Variants in OTOG observed in about 807,000 individuals in gnomAD.
The protein encoded by OTOG is otogelin.
Under a neutral mutation model 313.8 loss-of-function variants are expected in OTOG, and 296 were observed. That is an observed-to-expected ratio of 0.94 (90% confidence interval 0.86 to 1.04). The LOEUF (loss-of-function observed/expected upper bound fraction) is 1.04. OTOG is among the 50% of genes least tolerant of loss of function. The pLI is 0.00. For missense variants in OTOG, 3,948 were observed against 3,840.1 expected, an observed-to-expected ratio of 1.03 and a Z score of -0.74; for synonymous variants, 1,533 against 1,554.9, an observed-to-expected ratio of 0.99 and a Z score of 0.33.
At position 17,557,232 on chromosome 11, in the gene OTOG, C is replaced by T. The variant is rs1241319410; in HGVS notation, c.774C>T (p.Tyr258=). ...TLAWDGASAV[Y]IKMSPELLGW... is the part of the protein sequence containing the mutation. ...CCTGGGATGGTGCCTCGGCTGTCTA[C>T]ATCAAGATGAGTCCAGAGCTTCTGG... is the stretch of plus-strand genomic sequence containing the variant. The change falls in exon 8 of 56, where the codon TAC becomes TAT. Residue 258 remains tyrosine, a synonymous_variant. Coordinates refer to ENST00000399397, the MANE Select transcript of OTOG (RefSeq NM_001292063.2). 5 of 1,550,660 alleles carry T rather than the reference C, an allele frequency of 3.2e-6. No homozygotes were observed. The highest frequency in any genetic ancestry group is 4.4e-6 in the Non-Finnish European group (5 of 1,147,014).
At chr11:17,593,899 C>T (rs1028518431) in intron 27 of OTOG, 143 bp downstream of exon 27, 1 of 1,396,364 alleles carries the variant, frequency 7.2e-7, no homozygotes, top group African/African-American at 1.4e-5. Flanking sequence ...GCCCCTTCTC[C>T]TCTGACATTG....
In OTOG at chr11:17,602,212, C is replaced by G; in HGVS notation, c.3712C>G (p.Leu1238Val). 1.3e-6 allele frequency: 2 copies of G among 1,550,188 alleles called. No individual in the cohort carries two copies. Among genetic ancestry groups the G allele is most frequent in the Non-Finnish European group, 1.7e-6 (2 of 1,146,894 alleles). The change falls in exon 32 of 56, where the codon CTA becomes GTA. Residue 1238 changes from leucine to valine, a missense_variant and splice_region_variant. Transcript: ENST00000399397. ...CTGATGGGGCCTCTTCTCTCCAGTGCTAGGTAAGGGCCCCTATCAGCTATC... is the reference window on the plus strand; with the variant it reads ...CTGATGGGGCCTCTTCTCTCCAGTGGTAGGTAAGGGCCCCTATCAGCTATC... ...PYDCDFFNKVLGKGPYQLSSL... is the reference protein window; with the variant it reads ...PYDCDFFNKVVGKGPYQLSSL...
chr11:17,642,345 G>C (rs371749315), intron 53 of OTOG, 99 bp downstream of exon 53: 2 of 1,408,236 alleles, frequency 1.4e-6, no homozygotes, highest in East Asian at 2.6e-5. Context: ...CAGGAAGAAG[G>C]GCTCCCTGGA....
At chr11:17,555,633 T>C (rs1479630250) in intron 6 of OTOG, 146 bp from the exon 7 acceptor site, 7 of 635,644 alleles carry the variant, frequency 1.1e-5, no homozygotes. Flanking sequence ...CTCTGTGATG[T>C]ATGGGGACTG....
At position 17,548,208 on chromosome 11, in the gene OTOG, G is replaced by A. The variant is rs1420334614; in HGVS notation, c.212G>A (p.Gly71Asp). The A allele has an allele frequency of 1.3e-6, 2 of 1,547,158 alleles. No homozygotes were observed. The highest frequency in any genetic ancestry group is 2.0e-5 in the Admixed American group (1 of 50,712). ...GGGGACAAGGCTACAGTCGTGGGAG[G>A]CCAGGTAAGGGAGGTCTTGGGAGGG... ...AMGDKATVVG[G>D]QQAEAPDSVA... is the part of the protein sequence containing the mutation. Residue 71 changes from glycine (G) to aspartate (D), a missense_variant, in exon 3 of 56, where the codon GGC (glycine) becomes GAC (aspartate). Coordinates refer to ENST00000399397, the MANE Select transcript of OTOG (RefSeq NM_001292063.2).
rs1191747829 is a variant in OTOG, at chr11:17,613,195, T to TTTTCTTTCTTTCTTTCTTTCTTTC, written c.6439-367_6439-344dup. ...TTTTCTTTCTTTCTTTCTTTCTTTC[T>TTTTCTTTCTTTCTTTCTTTCTTTC]TTTCTTTCTTTCTTTCTTTCTTTCT... On this transcript the variant is annotated intron_variant, in intron 38 of 55. Coordinates refer to ENST00000399397, the MANE Select transcript of OTOG (RefSeq NM_001292063.2). Among the ~76,000 whole-genome samples, 198 of 65,312 alleles carry TTTTCTTTCTTTCTTTCTTTCTTTC rather than the reference T, an allele frequency of 3.0e-3. 4 individuals carry two copies. The highest frequency in any genetic ancestry group is 4.4e-3 in the East Asian group (9 of 2,044). 42.8% of individuals were successfully genotyped at this position (65,312 alleles called of 152,430 possible). A position where few individuals can be genotyped will look rare whatever the true frequency, so the allele number is the denominator to read the frequency against.
chr11:17,563,606 C>T (rs115546969), intron 15 of OTOG, among the ~76,000 whole-genome samples: 3,806 of 152,286 alleles, frequency 0.025, 159 homozygotes, highest in African/African-American at 0.087. Flanking sequence ...ACAAGACACA[C>T]AGACACAGCC....
chr11:17,637,848 AC>A (rs1247750320), intron 47 of OTOG, among the ~76,000 whole-genome samples: 1 of 152,196 alleles, frequency 6.6e-6, no homozygotes, highest in African/African-American at 2.4e-5. Context: ...AGTAACTCTT[AC>A]AGTTTTCAGA....
chr11:17,625,264 G>A (rs1277530594), intron 39 of OTOG, among the ~76,000 whole-genome samples: 1 of 152,156 alleles, frequency 6.6e-6, no homozygotes, highest in Non-Finnish European at 1.5e-5. Context: ...TCCAGGTTTT[G>A]TCCATTCAGT....
In OTOG at chr11:17,559,624, G is replaced by A; in HGVS notation, c.1304G>A (p.Ser435Asn). The change falls in exon 12 of 56, where the codon AGT (serine) becomes AAT (asparagine). Residue 435 changes from serine (S) to asparagine (N), a missense_variant. Physicochemically the swap from Ser to Asn is conservative, Grantham distance 46. Transcript: ENST00000399397. ...CATCCCCGGGCATCCTGTGTGGACA[G>A]TGAGATCGCCTGTGTGGACGGCTGC... is the stretch of plus-strand genomic sequence containing the variant. ...SCHPRASCVD[S>N]EIACVDGCYC... 6.4e-7 allele frequency: 1 copy of A among 1,550,916 alleles called. No individual in the cohort carries two copies. The highest frequency in any genetic ancestry group is 8.7e-7 in the Non-Finnish European group (1 of 1,147,068).
At position 17,553,170 on chromosome 11, in the gene OTOG, A is replaced by C; in HGVS notation, c.344A>C (p.Asp115Ala). Residue 115 changes from aspartate (D) to alanine (A), a missense_variant, in exon 5 of 56, where the codon GAC becomes GCC. Asp to Ala is a moderately radical substitution (Grantham distance 126, BLOSUM62 -2). Coordinates refer to ENST00000399397, the MANE Select transcript of OTOG (RefSeq NM_001292063.2). ...GGECVHPAFC[D>A]CRRFNATGPR... ...GAGTGTGTGCACCCAGCCTTCTGTG[A>C]CTGCAGACGCTTCAATGCCACTGGA... 1 of 1,550,440 alleles carries C rather than the reference A, an allele frequency of 6.4e-7. No homozygotes were observed. The highest frequency in any genetic ancestry group is 8.7e-7 in the Non-Finnish European group (1 of 1,146,942).
rs1853013564 is a variant in OTOG at position 17,593,725 on chromosome 11, C to G, written c.3257C>G (p.Thr1086Arg). Reference protein sequence around the residue: ...HITLLWDQRTTVHVQAGPQWQ... With the variant: ...HITLLWDQRTRVHVQAGPQWQ... ...ACCCTCTTGTGGGACCAGAGAACCACAGTGCACGTCCAGGCTGGGCCTCAG... is the reference window on the plus strand; with the variant it reads ...ACCCTCTTGTGGGACCAGAGAACCAGAGTGCACGTCCAGGCTGGGCCTCAG... Residue 1086 changes from threonine (T) to arginine (R), a missense_variant, in exon 27 of 56, where the codon ACA becomes AGA. Coordinates refer to ENST00000399397, the MANE Select transcript of OTOG (RefSeq NM_001292063.2). 1 of 1,548,806 alleles carries G rather than the reference C, an allele frequency of 6.5e-7. No homozygotes were observed. Among genetic ancestry groups the G allele is most frequent in the East Asian group, 2.4e-5 (1 of 40,922 alleles).
In OTOG at chr11:17,640,902, T is replaced by C; in HGVS notation, c.8012-11T>C. On this transcript the variant is annotated splice_polypyrimidine_tract_variant and intron_variant, in intron 50 of 55. Transcript: ENST00000399397. ...TCTGGATGACTGTTGCCGCCCTGCA[T>C]GCCCATCCAGTGAAGGCCCCGGTGT... 2 of 1,548,826 alleles carry C rather than the reference T, an allele frequency of 1.3e-6. No individual in the cohort carries two copies. Among genetic ancestry groups the C allele is most frequent in the Non-Finnish European group, 8.7e-7 (1 of 1,146,850 alleles).
rs1470204427 is a variant in OTOG, at chr11:17,610,085, T to C, written c.4785T>C (p.Phe1595=). Residue 1595 remains phenylalanine (F), a synonymous_variant, in exon 36 of 56, where the codon TTT becomes TTC. Coordinates refer to ENST00000399397, the MANE Select transcript of OTOG (RefSeq NM_001292063.2). ...AGACAACAAGGGTGACTGTGATCTT[T>C]GCAGGAAGCCCTAACATCACAGTCT... is the stretch of plus-strand genomic sequence containing the variant. The part of the protein sequence containing the change: ...AMETTRVTVI[F]AGSPNITVSS... 1 of 1,550,396 alleles carries C rather than the reference T, an allele frequency of 6.4e-7. No homozygotes were observed. The highest frequency in any genetic ancestry group is 2.4e-5 in the East Asian group (1 of 40,912).
Position 17,593,610 on chromosome 11 carries a change from A to G in OTOG, c.3142A>G (p.Ser1048Gly), listed in dbSNP as rs532538715. 3.2e-6 allele frequency: 5 copies of G among 1,548,750 alleles called. No individual in the cohort carries two copies. Among genetic ancestry groups the G allele is most frequent in the Non-Finnish European group, 4.4e-6 (5 of 1,146,970 alleles). The part of the protein sequence containing the change: ...IVFDDDSGNP[S>G]PESFLDDKQE... Reference sequence around the variant, plus strand: ...GGACTGACCATCTCTGTCCCTCTAGAGTCCAGAGAGCTTCCTGGATGACAA... The same window carrying G: ...GGACTGACCATCTCTGTCCCTCTAGGGTCCAGAGAGCTTCCTGGATGACAA... Residue 1048 changes from serine (S) to glycine (G), a missense_variant and splice_region_variant, in exon 27 of 56, where the codon AGT becomes GGT. By Grantham distance (56) the Ser-to-Gly change is moderately conservative. Transcript: ENST00000399397.
chr11:17,610,729 T>C lies in OTOG; in HGVS notation c.5429T>C (p.Leu1810Pro). ...CTGCCTCCCGACACCAGCCTGCCCC[T>C]GGCCAAGGTGGGCACATCTGCCCCA... ...SGLPPDTSLP[L>P]AKVGTSAPVA... The change falls in exon 36 of 56, where the codon CTG becomes CCG. Residue 1810 changes from leucine (L) to proline (P), a missense_variant. Transcript: ENST00000399397. 4 of 1,550,086 alleles carry C rather than the reference T, an allele frequency of 2.6e-6. No homozygotes were observed. The highest frequency in any genetic ancestry group is 2.6e-6 in the Non-Finnish European group (3 of 1,146,996).
intron 18 of OTOG, 34 bp downstream of exon 18, chr11:17,572,238 G>C (rs758599760): frequency 6.5e-7 from 1 of 1,549,344 alleles, no homozygotes; most frequent in South Asian, 1.2e-5. Flanking sequence ...AGGCATGGTT[G>C]AGTGGGGTGG....
chr11:17,628,275 T>C (rs763536329), intron 39 of OTOG, among the ~76,000 whole-genome samples: 8 of 152,194 alleles, frequency 5.3e-5, no homozygotes, highest in Non-Finnish European at 1.0e-4. Flanking sequence ...TTATCATTTG[T>C]TTCAAGAAAA....
intron 23 of OTOG, among the ~76,000 whole-genome samples, chr11:17,580,988 A>G (rs376864391): frequency 2.0e-5 from 3 of 152,310 alleles, no homozygotes; most frequent in East Asian, 3.9e-4. Context: ...ACAAAGAGAG[A>G]AGAGTGGAAG....
Sources: allele counts gnomAD v4.1 joint callset (sites outside exome capture counted in the v4.1 genomes callset), GRCh38; gene constraint gnomAD v4.1.1; transcripts MANE v1.5; gene names NCBI Gene and HGNC (gene_info 2026-07-23, HGNC 2026-07-21).